ESRRG: variants seen among roughly 807,000 people sequenced by gnomAD.
ESRRG encodes the protein estrogen related receptor gamma.
In ESRRG, 13 loss-of-function variants were observed where a neutral mutation model predicts 44.0. The ratio of observed to expected loss-of-function variants is 0.30; its 90% CI spans 0.19 to 0.47. The LOEUF (loss-of-function observed/expected upper bound fraction) is 0.47, where lower values mean the gene tolerates loss of function less well. ESRRG is among the 20% of genes least tolerant of loss of function. ESRRG has a pLI of 1.00. For missense variants in ESRRG, 395 were observed against 580.6 expected, an observed-to-expected ratio of 0.68 and a Z score of 3.29; for synonymous variants, 215 against 214.6, an observed-to-expected ratio of 1.00 and a Z score of -0.02.
intron 1 of ESRRG, among the ~76,000 whole-genome samples, chr1:216,691,968 C>T (rs756624615): frequency 4.5e-4 from 69 of 152,284 alleles, no homozygotes; most frequent in Middle Eastern, 3.4e-3. Flanking sequence ...AAACACATTG[C>T]ACTGCCAGTC....
chr1:216,752,499 C>T (rs541669825), intron 2 of ESRRG, among the ~76,000 whole-genome samples: 6 of 152,044 alleles, frequency 3.9e-5, no homozygotes, highest in Non-Finnish European at 8.8e-5. Context: ...ATGTTTCTTT[C>T]CTGAAGCAAA....
chr1:216,529,150 C>T (rs2048536101), intron 5 of ESRRG, among the ~76,000 whole-genome samples: 1 of 152,088 alleles, frequency 6.6e-6, no homozygotes, highest in Non-Finnish European at 1.5e-5. Flanking sequence ...TGGGAACCTG[C>T]ATAACTATAG....
At chr1:216,991,771 T>C (rs2075751610) in intron 1 of ESRRG, among the ~76,000 whole-genome samples, 1 of 152,044 alleles carries the variant, frequency 6.6e-6, no homozygotes, top group African/African-American at 2.4e-5. Context: ...AAGGTTAGAA[T>C]AGGCCTCTGA....
chr1:216,938,888 T>C lies in ESRRG; in HGVS notation c.-14+694A>G, dbSNP rs6694606. On this transcript the variant is annotated intron_variant, in intron 2 of 7. Coordinates refer to the ESRRG transcript ENST00000359162. Reference sequence around the variant, plus strand: ...TTTACATGCTATGATCCTCGTATGATAGTCATTACAACTACAACAGAATTC... The same window carrying C: ...TTTACATGCTATGATCCTCGTATGACAGTCATTACAACTACAACAGAATTC... 2.6e-3 allele frequency among the ~76,000 whole-genome samples: 389 copies of C among 152,354 alleles called. 3 individuals are homozygous for C. The highest frequency in any genetic ancestry group is 8.8e-3 in the African/African-American group (366 of 41,590).
chr1:216,531,823 A>G (rs974720453), intron 5 of ESRRG, among the ~76,000 whole-genome samples: 9 of 152,086 alleles, frequency 5.9e-5, no homozygotes, highest in Non-Finnish European at 8.8e-5. Context: ...AAGAGCACCC[A>G]CAGCAGTCCC....
intron 2 of ESRRG, among the ~76,000 whole-genome samples, chr1:216,734,142 A>T (rs1235745854): frequency 6.6e-6 from 1 of 151,966 alleles, no homozygotes; most frequent in Non-Finnish European, 1.5e-5. Flanking sequence ...GATTGTCCTT[A>T]TGTGTCTCTG....
rs533462846 is a variant in ESRRG, at chr1:216,530,659, T to G, written c.863-11238A>C. Among the ~76,000 whole-genome samples the G allele has an allele frequency of 6.2e-3, 942 of 152,284 alleles. 5 individuals carry two copies. Among genetic ancestry groups the G allele is most frequent in the Non-Finnish European group, 0.01 (701 of 68,020 alleles). On this transcript the variant is annotated intron_variant, in intron 5 of 6. Transcript: ENST00000408911. The stretch of plus-strand genomic sequence containing the variant: ...TGAAAATTGTATTTAAGCTGCCACG[T>G]ACAAAAGGGAGTTGTGATTATCTTG...
intron 3 of ESRRG, among the ~76,000 whole-genome samples, chr1:216,613,579 A>G (rs1413309860): frequency 6.6e-6 from 1 of 152,158 alleles, no homozygotes; most frequent in African/African-American, 2.4e-5. Flanking sequence ...GTGATATAAC[A>G]TTGTTGTGTT....
chr1:216,807,874 T>C (rs1316443993), intron 2 of ESRRG, among the ~76,000 whole-genome samples: 1 of 152,126 alleles, frequency 6.6e-6, no homozygotes, highest in East Asian at 1.9e-4. Flanking sequence ...ATAGTACTAG[T>C]CCCTTTCTAC....
chr1:216,781,601 G>A (rs2093938859), intron 2 of ESRRG, among the ~76,000 whole-genome samples: 1 of 151,996 alleles, frequency 6.6e-6, no homozygotes, highest in Admixed American at 6.6e-5. Flanking sequence ...GGACTAATTA[G>A]AGCAAGTCAG....
chr1:217,006,237 T>G (rs2077717441), intron 1 of ESRRG, among the ~76,000 whole-genome samples: 1 of 152,094 alleles, frequency 6.6e-6, no homozygotes, highest in Non-Finnish European at 1.5e-5. Context: ...TGTTAAAAAG[T>G]AAAATGTAAC....
At chr1:216,709,509 T>A (rs909934097) in intron 1 of ESRRG, among the ~76,000 whole-genome samples, 8 of 152,090 alleles carry the variant, frequency 5.3e-5, no homozygotes, top group Admixed American at 5.2e-4. Flanking sequence ...ATACTAGAAT[T>A]AGTTTAATTT....
intron 2 of ESRRG, among the ~76,000 whole-genome samples, chr1:216,781,662 C>T (rs2093940443): frequency 1.3e-5 from 2 of 152,022 alleles, no homozygotes; most frequent in Admixed American, 1.3e-4. Context: ...GCAGAAGAGA[C>T]CGCCTTTACA....
At chr1:216,804,885 C>T (rs181616799) in intron 2 of ESRRG, 7 of 152,148 alleles carry the variant, frequency 4.6e-5, no homozygotes, top group Non-Finnish European at 8.8e-5. Flanking sequence ...GTCACATTTC[C>T]CTCTGCAATT....
chr1:217,024,777 C>T (rs557165467), intron 1 of ESRRG, among the ~76,000 whole-genome samples: 2 of 152,288 alleles, frequency 1.3e-5, no homozygotes, highest in African/African-American at 4.8e-5. Flanking sequence ...TTAATATTCA[C>T]CACCTCATTT....
At chr1:216,612,255 G>A (rs2060777974) in intron 3 of ESRRG, among the ~76,000 whole-genome samples, 1 of 152,036 alleles carries the variant, frequency 6.6e-6, no homozygotes, top group East Asian at 1.9e-4. Flanking sequence ...TAGGGAGAAG[G>A]AAAAGGATGA....
intron 1 of ESRRG, among the ~76,000 whole-genome samples, chr1:217,122,647 C>T (rs953518496): frequency 1.4e-5 from 2 of 143,174 alleles, no homozygotes; most frequent in Admixed American, 7.0e-5. Flanking sequence ...TAGTCCATGG[C>T]GGGAAAGACA....
intron 1 of ESRRG, among the ~76,000 whole-genome samples, chr1:217,118,274 C>T (rs531471481): frequency 6.6e-6 from 1 of 152,334 alleles, no homozygotes; most frequent in East Asian, 1.9e-4. Flanking sequence ...AACCACTCTA[C>T]TAAACATCTT....
At chr1:217,042,743 A>G (rs2084111924) in intron 1 of ESRRG, among the ~76,000 whole-genome samples, 2 of 152,178 alleles carry the variant, frequency 1.3e-5, no homozygotes, top group African/African-American at 4.8e-5. Context: ...CTTTAAAAAA[A>G]AAAATTAAAA....
Sources: allele counts gnomAD v4.1 joint callset (sites outside exome capture counted in the v4.1 genomes callset), GRCh38; gene constraint gnomAD v4.1.1; transcripts MANE v1.5; gene names NCBI Gene and HGNC (gene_info 2026-07-23, HGNC 2026-07-21).